The following ADAMTSL3 variants were observed in gnomAD, a reference collection of about 807,000 sequenced individuals.
ADAMTSL3 encodes the protein ADAMTS-like protein 3.
ADAMTSL3 carries 128 observed loss-of-function variants against 201.7 expected under a neutral mutation model. The observed-to-expected ratio is 0.63, with a 90% CI of 0.55 to 0.73. ADAMTSL3 has a LOEUF of 0.73. Ranked by LOEUF, ADAMTSL3 falls within the 30% of genes least tolerant of loss-of-function variation. The pLI, the probability that ADAMTSL3 is intolerant of heterozygous loss-of-function variation, is 0.00. For synonymous variants in ADAMTSL3, 738 were observed against 748.4 expected, an observed-to-expected ratio of 0.99 and a Z score of 0.23; for missense variants, 1,990 against 2,119.6, an observed-to-expected ratio of 0.94 and a Z score of 1.20.
intron 4 of ADAMTSL3, among the ~76,000 whole-genome samples, chr15:83,780,408 T>TAAAA (rs758187158): frequency 8.0e-6 from 1 of 125,566 alleles, no homozygotes. Flanking sequence ...GAAACTCCAT[T>TAAAA]AAAAAAAAAA....
intron 2 of ADAMTSL3, among the ~76,000 whole-genome samples, chr15:83,656,403 C>G (rs565893061): frequency 3.9e-4 from 60 of 152,226 alleles, no homozygotes; most frequent in African/African-American, 1.4e-3. Context: ...TAGAGAGTAA[C>G]GGAGACAGTG....
Position 83,668,852 on chromosome 15 carries a change from C to G in ADAMTSL3, c.69+13022C>G, listed in dbSNP as rs1020675337. On this transcript the variant is annotated intron_variant, in intron 2 of 29. Transcript: ENST00000286744. ...CTCTGCTCTGTGTGTCTCCCATCCT[C>G]CTTGGACCAAGAGACTAACCAGAAC... Among the ~76,000 whole-genome samples the G allele has an allele frequency of 3.3e-5, 5 of 152,150 alleles. No homozygotes were observed. The South Asian group carries it at 1.0e-3, about 32-fold the overall frequency.
intron 3 of ADAMTSL3, among the ~76,000 whole-genome samples, chr15:83,755,913 A>G (rs1428534335): frequency 6.6e-6 from 1 of 152,130 alleles, no homozygotes; most frequent in Non-Finnish European, 1.5e-5. Context: ...GGCGCCTGCC[A>G]CCACATCTGG....
chr15:83,910,178 G>C (rs1243646720), intron 15 of ADAMTSL3, among the ~76,000 whole-genome samples: 1 of 152,034 alleles, frequency 6.6e-6, no homozygotes, highest in Non-Finnish European at 1.5e-5. Context: ...TTACTCTGTT[G>C]TTTTATCATC....
chr15:83,754,439 A>G (rs1333505208), intron 3 of ADAMTSL3, among the ~76,000 whole-genome samples: 2 of 152,158 alleles, frequency 1.3e-5, no homozygotes, highest in Non-Finnish European at 2.9e-5. Flanking sequence ...TTGAAGGCAC[A>G]GTGAGATGAC....
chr15:83,828,199 C>G (rs998678974), intron 6 of ADAMTSL3, among the ~76,000 whole-genome samples: 3 of 152,110 alleles, frequency 2.0e-5, no homozygotes, highest in African/African-American at 7.2e-5. Flanking sequence ...TCTTTTATTT[C>G]GTTGAGCAGT....
chr15:83,991,355 C>T (rs2067579494), intron 23 of ADAMTSL3, 141 bp downstream of exon 23: 1 of 1,252,628 alleles, frequency 8.0e-7, no homozygotes, highest in Non-Finnish European at 1.1e-6. Context: ...TTCCAGCACA[C>T]TGACAGTGGA....
intron 3 of ADAMTSL3, among the ~76,000 whole-genome samples, chr15:83,714,606 T>G (rs2061974924): frequency 6.6e-6 from 1 of 152,006 alleles, no homozygotes; most frequent in Non-Finnish European, 1.5e-5. Flanking sequence ...CAGGTGAGAT[T>G]AGGTCCACCT....
chr15:83,687,125 G>T (rs2061548063), intron 2 of ADAMTSL3, among the ~76,000 whole-genome samples: 1 of 152,164 alleles, frequency 6.6e-6, no homozygotes, highest in African/African-American at 2.4e-5. Context: ...AGTCCCTTGA[G>T]CCCAGGAGTT....
rs777869075 is a variant in ADAMTSL3, at chr15:84,031,304, A to T, written c.4657-31A>T. ...CACACAGCATGGATGAGCTTGCAGG[A>T]TTTACACTGCACTGTGCTTTTTTGT... On this transcript the variant is annotated intron_variant, in intron 27 of 29. Transcript: ENST00000286744. 8.1e-6 allele frequency: 13 copies of T among 1,601,976 alleles called. 1 individual carries two copies. The South Asian group carries it at 1.4e-4, about 18-fold the overall frequency.
At chr15:83,909,009 A>G (rs2141948752) in intron 15 of ADAMTSL3, among the ~76,000 whole-genome samples, 1 of 152,298 alleles carries the variant, frequency 6.6e-6, no homozygotes, top group South Asian at 2.1e-4. Context: ...GATTGTTTTC[A>G]ATTTCTAGAG....
intron 2 of ADAMTSL3, among the ~76,000 whole-genome samples, chr15:83,671,237 T>A (rs2061325608): frequency 6.6e-6 from 1 of 152,208 alleles, no homozygotes; most frequent in Admixed American, 6.5e-5. Flanking sequence ...TGCACAGAAA[T>A]AACCTGTTTC....
At chr15:83,814,491 T>A (rs890004697) in intron 5 of ADAMTSL3, among the ~76,000 whole-genome samples, 1 of 152,230 alleles carries the variant, frequency 6.6e-6, no homozygotes, top group African/African-American at 2.4e-5. Flanking sequence ...AATTTATTTC[T>A]GCTGTTTCTC....
intron 5 of ADAMTSL3, among the ~76,000 whole-genome samples, chr15:83,807,319 G>T (rs1038513248): frequency 6.6e-5 from 10 of 152,110 alleles, no homozygotes; most frequent in African/African-American, 2.4e-4. Context: ...AGCTGGGTGT[G>T]GTGGTGGGCA....
chr15:83,886,182 G>A (rs899798186), intron 10 of ADAMTSL3, among the ~76,000 whole-genome samples: 1 of 152,178 alleles, frequency 6.6e-6, no homozygotes, highest in Non-Finnish European at 1.5e-5. Flanking sequence ...AAATTAGGAG[G>A]CAACTAGAGC....
rs761620261 is a variant in ADAMTSL3 at position 84,037,786 on chromosome 15, C to G, written c.5056C>G (p.Gln1686Glu). 6.2e-7 allele frequency: 1 copy of G among 1,613,824 alleles called. No homozygotes were observed. The highest frequency in any genetic ancestry group is 8.5e-7 in the Non-Finnish European group (1 of 1,179,956). The change falls in exon 30 of 30, where the codon CAG becomes GAG. Residue 1686 changes from glutamine (Q) to glutamate (E), a missense_variant. Gln to Glu is a conservative substitution (Grantham distance 29). Coordinates refer to ENST00000286744, the MANE Select transcript of ADAMTSL3 (RefSeq NM_207517.3). The stretch of plus-strand genomic sequence containing the variant: ...AGACCGCTACAAACAAAGGTGCTGC[C>G]AGTCATGTCAAGAGGGATAAACCTT... Reference protein sequence around the residue: ...SLDRYKQRCCQSCQEG With the variant: ...SLDRYKQRCCESCQEG
intron 23 of ADAMTSL3, among the ~76,000 whole-genome samples, chr15:84,010,243 G>T (rs981703007): frequency 6.6e-6 from 1 of 152,176 alleles, no homozygotes; most frequent in Non-Finnish European, 1.5e-5. Flanking sequence ...GAAATGATTT[G>T]CACTTTTGCC....
At chr15:83,903,917 C>CAAAAAAAAAAAAAAAAAAAAAA (rs1168502648) in intron 15 of ADAMTSL3, among the ~76,000 whole-genome samples, 15 of 19,274 alleles carry the variant, frequency 7.8e-4, no homozygotes, top group East Asian at 4.1e-3. Context: ...GACTCCACAT[C>CAAAAAAAAAAAAAAAAAAAAAA]AAAAAAAAAA....
intron 29 of ADAMTSL3, 133 bp from the exon 30 acceptor site, chr15:84,037,567 A>C (rs1042244178): frequency 1.1e-5 from 11 of 984,680 alleles, no homozygotes; most frequent in Non-Finnish European, 8.7e-6. Flanking sequence ...CATGCAAAAC[A>C]ATGGCCCTAA....
Sources: allele counts gnomAD v4.1 joint callset (sites outside exome capture counted in the v4.1 genomes callset), GRCh38; gene constraint gnomAD v4.1.1; transcripts MANE v1.5; gene names NCBI Gene and HGNC (gene_info 2026-07-23, HGNC 2026-07-21).